The following MRTFA variants were observed in gnomAD, a reference collection of about 807,000 sequenced individuals.
MRTFA encodes the protein myocardin-related transcription factor A.
MRTFA carries 20 observed loss-of-function variants against 83.5 expected under a neutral mutation model. The ratio of observed to expected loss-of-function variants is 0.24; its 90% confidence interval spans 0.17 to 0.35. MRTFA has a LOEUF of 0.35. Ranked by LOEUF, MRTFA falls within the 10% of genes least tolerant of loss-of-function variation. The probability of loss-of-function intolerance (pLI) is 1.00; values close to 1 mark genes in which losing one functional copy is unlikely to be tolerated. For synonymous variants in MRTFA, 659 were observed against 541.2 expected (o/e 1.22, Z -3.02); for missense variants, 1,200 against 1,224.7 (o/e 0.98, Z 0.30).
chr22:40,595,064 T>G (rs1443180456), intron 1 of MRTFA, among the ~76,000 whole-genome samples: 1 of 151,744 alleles, frequency 6.6e-6, no homozygotes, highest in Non-Finnish European at 1.5e-5. Flanking sequence ...TATATCCAAA[T>G]GACAATTGTC....
chr22:40,580,984 T>C (rs949167308), intron 2 of MRTFA, among the ~76,000 whole-genome samples: 1 of 152,166 alleles, frequency 6.6e-6, no homozygotes, highest in Non-Finnish European at 1.5e-5. Flanking sequence ...TTTTATTCTT[T>C]TTTTTTTTAA....
chr22:40,512,763 T>C (rs1371908843), intron 3 of MRTFA, among the ~76,000 whole-genome samples: 2 of 152,220 alleles, frequency 1.3e-5, no homozygotes, highest in Non-Finnish European at 2.9e-5. Context: ...TGTTTTATGG[T>C]TGAACATGTA....
At chr22:40,426,623 TTGTACC>T (rs2052959522) in intron 7 of MRTFA, among the ~76,000 whole-genome samples, 1 of 152,142 alleles carries the variant, frequency 6.6e-6, no homozygotes, top group South Asian at 2.1e-4. Context: ...CTGTTCCCTC[TTGTACC>T]TCTGTACCTT....
Position 40,463,296 on chromosome 22 carries a change from A to G in MRTFA, c.242-10T>C. On this transcript the variant is annotated splice_polypyrimidine_tract_variant and intron_variant, in intron 3 of 14. Transcript: ENST00000355630. ...AGTTTCAACTGTAGCACTGCAGGGC[A>G]GCAGAGAGAGAGGAGAGATGAGGGG... 6.2e-7 allele frequency: 1 copy of G among 1,613,412 alleles called. No individual in the cohort carries two copies. Among genetic ancestry groups the G allele is most frequent in the Non-Finnish European group, 8.5e-7 (1 of 1,179,444 alleles).
intron 3 of MRTFA, among the ~76,000 whole-genome samples, chr22:40,500,312 GCTTT>G (rs1489468441): frequency 3.1e-5 from 4 of 128,420 alleles, no homozygotes; most frequent in Non-Finnish European, 5.1e-5. Context: ...CTTTCATATT[GCTTT>G]CTTTTTTTTT....
At chr22:40,611,102 C>T (rs759095878) in intron 1 of MRTFA, among the ~76,000 whole-genome samples, 7 of 151,608 alleles carry the variant, frequency 4.6e-5, no homozygotes, top group African/African-American at 9.7e-5. Context: ...CACGCCCGGC[C>T]GATTTTTTGT....
chr22:40,486,497 G>GT (rs1260135216), intron 3 of MRTFA, among the ~76,000 whole-genome samples: 2 of 151,894 alleles, frequency 1.3e-5, no homozygotes, highest in Admixed American at 1.3e-4. Flanking sequence ...TTTCTTTATT[G>GT]TTTTTTTCTT....
Position 40,603,401 on chromosome 22 carries a change from G to T in MRTFA, c.-83-8666C>A, listed in dbSNP as rs1338507879. ...GGAAAAACTTATCTCTGACATAGGAGTTTTTTCTTATTGGTAACCTCTCTC... is the reference window on the plus strand; with the variant it reads ...GGAAAAACTTATCTCTGACATAGGATTTTTTTCTTATTGGTAACCTCTCTC... On this transcript the variant is annotated intron_variant, in intron 1 of 14. Coordinates refer to ENST00000355630, the MANE Select transcript of MRTFA (RefSeq NM_020831.6). Among the ~76,000 whole-genome samples, 3 of 152,284 alleles carry T rather than the reference G, an allele frequency of 2.0e-5. No homozygotes were observed. The East Asian group carries it at 5.8e-4, about 29-fold the overall frequency.
rs1718002938 is a variant in MRTFA, at chr22:40,579,206, C to T, written c.-22+15468G>A. Reference sequence around the variant, plus strand: ...AAAGATGAATGCTAAGGAATTTCCACGTCTTGTGAAGGCATGCATATCTTG... The same window carrying T: ...AAAGATGAATGCTAAGGAATTTCCATGTCTTGTGAAGGCATGCATATCTTG... On this transcript the variant is annotated intron_variant, in intron 2 of 14. Coordinates refer to ENST00000355630, the MANE Select transcript of MRTFA (RefSeq NM_020831.6). Among the ~76,000 whole-genome samples the T allele has an allele frequency of 3.3e-5, 5 of 152,176 alleles. No individual in the cohort carries two copies. The South Asian group carries it at 8.3e-4, about 25-fold the overall frequency.
chr22:40,486,275 C>T (rs1210365654), intron 3 of MRTFA, among the ~76,000 whole-genome samples: 1 of 152,218 alleles, frequency 6.6e-6, no homozygotes, highest in Non-Finnish European at 1.5e-5. Flanking sequence ...TTGTTCCCCA[C>T]CTGCAAGCCC....
chr22:40,535,346 T>C (rs1273870727), intron 3 of MRTFA, among the ~76,000 whole-genome samples: 1 of 91,930 alleles, frequency 1.1e-5, no homozygotes, highest in Admixed American at 1.3e-4. Flanking sequence ...GAGAGGTTTT[T>C]TCTTTTTTTT....
chr22:40,525,092 G>A (rs1455393220), intron 3 of MRTFA, among the ~76,000 whole-genome samples: 2 of 152,280 alleles, frequency 1.3e-5, no homozygotes, highest in African/African-American at 4.8e-5. Context: ...TTACAGGGGT[G>A]AGTCACTGTG....
chr22:40,432,632 C>T lies in MRTFA; in HGVS notation c.364-1152G>A, dbSNP rs114146249. Among the ~76,000 whole-genome samples, 1,096 of 151,594 alleles carry T rather than the reference C, an allele frequency of 7.2e-3. 12 individuals are homozygous for T. Among genetic ancestry groups the T allele is most frequent in the African/African-American group, 0.025 (1,048 of 41,252 alleles). Reference sequence around the variant, plus strand: ...AGCCAAAGGACACTAGGCAATGAAGCCTCAGAGGACATTATATATAGTAAA... The same window carrying T: ...AGCCAAAGGACACTAGGCAATGAAGTCTCAGAGGACATTATATATAGTAAA... On this transcript the variant is annotated intron_variant, in intron 5 of 14. Coordinates refer to ENST00000355630, the MANE Select transcript of MRTFA (RefSeq NM_020831.6).
At chr22:40,571,150 C>T (rs1488645259) in intron 2 of MRTFA, among the ~76,000 whole-genome samples, 2 of 150,488 alleles carry the variant, frequency 1.3e-5, no homozygotes, top group East Asian at 3.9e-4. Flanking sequence ...GTCAAGGTTG[C>T]AGTAAGCCTT....
intron 1 of MRTFA, among the ~76,000 whole-genome samples, chr22:40,605,706 G>A (rs1277430250): frequency 6.6e-6 from 1 of 152,116 alleles, no homozygotes; most frequent in Non-Finnish European, 1.5e-5. Flanking sequence ...TTTGGCCAGG[G>A]AAAATCATCT....
intron 13 of MRTFA, 140 bp from the exon 14 acceptor site, chr22:40,417,186 G>A (rs2052699710): frequency 3.7e-6 from 5 of 1,362,330 alleles, no homozygotes; most frequent in Non-Finnish European, 4.0e-6. Flanking sequence ...CGGACTCCTG[G>A]AGCCCGTCCC....
chr22:40,504,318 G>A (rs1337326432), intron 3 of MRTFA, among the ~76,000 whole-genome samples: 1 of 152,166 alleles, frequency 6.6e-6, no homozygotes, highest in Non-Finnish European at 1.5e-5. Flanking sequence ...GTTCAAGGCT[G>A]TACTAAGCTA....
intron 4 of MRTFA, among the ~76,000 whole-genome samples, chr22:40,458,754 C>A (rs895473823): frequency 6.6e-6 from 1 of 152,116 alleles, no homozygotes; most frequent in Non-Finnish European, 1.5e-5. Flanking sequence ...AGTTGTACAA[C>A]AAACTTAAAT....
At chr22:40,584,847 C>T (rs1335240980) in intron 2 of MRTFA, among the ~76,000 whole-genome samples, 2 of 151,844 alleles carry the variant, frequency 1.3e-5, no homozygotes, top group Non-Finnish European at 2.9e-5. Flanking sequence ...AGTTTAGGAC[C>T]GGCCTAGCCA....
Sources: gnomAD v4.1 joint callset for allele counts (sites outside exome capture counted in the v4.1 genomes callset) on GRCh38, gnomAD v4.1.1 for gene constraint, MANE v1.5 for transcripts, NCBI Gene and HGNC (gene_info 2026-07-23, HGNC 2026-07-21) for gene names.